SCML2: variants seen among roughly 807,000 people sequenced by gnomAD.
The protein encoded by SCML2 is sex comb on midleg-like protein 2.
SCML2 carries 6 observed loss-of-function variants against 48.4 expected under a neutral mutation model. That is an observed-to-expected ratio of 0.12 (90% confidence interval 0.07 to 0.24). The LOEUF (loss-of-function observed/expected upper bound fraction) is 0.24, where lower values mean the gene tolerates loss of function less well. Among genes scored for constraint, SCML2 ranks in the 10% least tolerant of loss-of-function variants. The probability of loss-of-function intolerance (pLI) is 1.00; values close to 1 mark genes in which losing one functional copy is unlikely to be tolerated. For missense variants in SCML2, 377 were observed against 528.2 expected (o/e 0.71, Z 2.81); for synonymous variants, 181 against 189.5 (o/e 0.95, Z 0.37).
chrX:18,323,126 A>G (rs1929373756), intron 5 of SCML2, among the ~76,000 whole-genome samples: 1 of 111,480 alleles, frequency 9.0e-6, no homozygotes, highest in Non-Finnish European at 1.9e-5. Context: ...AACCAAATAA[A>G]AGTAAATGCC....
intron 7 of SCML2, among the ~76,000 whole-genome samples, chrX:18,304,316 C>A (rs1384324348): frequency 8.9e-6 from 1 of 112,208 alleles, no homozygotes; most frequent in East Asian, 2.8e-4. Context: ...TTAGGCATAT[C>A]TAAGCCCTTG....
chrX:18,338,588 G>A (rs1191508777), intron 1 of SCML2, among the ~76,000 whole-genome samples: 1 of 110,357 alleles, frequency 9.1e-6, no homozygotes, highest in African/African-American at 3.3e-5. Context: ...GGCAAGGAAT[G>A]GGGAGTTGGT....
chrX:18,340,572 G>C (rs1301211178), intron 1 of SCML2, among the ~76,000 whole-genome samples: 1 of 111,721 alleles, frequency 9.0e-6, no homozygotes, highest in East Asian at 2.8e-4. Flanking sequence ...CACTTTGGGA[G>C]GCCACGGCGG....
chrX:18,337,257 G>GC (rs1172867778), intron 1 of SCML2, among the ~76,000 whole-genome samples: 1 of 85,090 alleles, frequency 1.2e-5, no homozygotes, highest in Non-Finnish European at 2.1e-5. Flanking sequence ...AGCCAAGAAC[G>GC]CGCCACTCAC....
At chrX:18,272,378 C>T (rs1927490494) in intron 7 of SCML2, among the ~76,000 whole-genome samples, 1 of 111,920 alleles carries the variant, frequency 8.9e-6, no homozygotes, top group South Asian at 3.8e-4. Flanking sequence ...GGGTAGATAC[C>T]AGTGGAAAGG....
intron 6 of SCML2, among the ~76,000 whole-genome samples, chrX:18,317,186 T>A (rs1929151190): frequency 8.9e-6 from 1 of 112,170 alleles, no homozygotes; most frequent in African/African-American, 3.2e-5. Context: ...TCCCAAAGTG[T>A]GAGCCACCAT....
At chrX:18,318,735 T>C (rs1929211770) in intron 6 of SCML2, among the ~76,000 whole-genome samples, 1 of 111,900 alleles carries the variant, frequency 8.9e-6, no homozygotes, top group East Asian at 2.8e-4. Flanking sequence ...AAAATAGCAA[T>C]GAATATTTGC....
At chrX:18,347,866 G>A (rs1373931968) in intron 1 of SCML2, among the ~76,000 whole-genome samples, 1 of 109,426 alleles carries the variant, frequency 9.1e-6, no homozygotes. Context: ...TTCTAAAGGA[G>A]CAATTTTAAA....
intron 9 of SCML2, among the ~76,000 whole-genome samples, chrX:18,258,648 C>T (rs1926948357): frequency 9.0e-6 from 1 of 111,071 alleles, no homozygotes; most frequent in African/African-American, 3.3e-5. Context: ...AACGGGTCAT[C>T]TTGCTATGCT....
intron 7 of SCML2, among the ~76,000 whole-genome samples, chrX:18,293,622 C>T (rs773764010): frequency 8.9e-6 from 1 of 112,262 alleles, no homozygotes; most frequent in South Asian, 3.7e-4. Context: ...TAATTTCTCA[C>T]AATGAAAGTA....
intron 1 of SCML2, among the ~76,000 whole-genome samples, chrX:18,354,050 C>T (rs1171899559): frequency 8.9e-6 from 1 of 112,407 alleles, no homozygotes; most frequent in African/African-American, 3.2e-5. Flanking sequence ...CACCGGCGCC[C>T]CCAGCCCCCG....
intron 1 of SCML2, among the ~76,000 whole-genome samples, chrX:18,346,224 C>T (rs1930196575): frequency 9.0e-6 from 1 of 110,802 alleles, no homozygotes; most frequent in Admixed American, 9.7e-5. Flanking sequence ...CTCTCTTTCC[C>T]AGAAGTTGAT....
At chrX:18,258,616 C>G (rs895388973) in intron 9 of SCML2, among the ~76,000 whole-genome samples, 11 of 111,295 alleles carry the variant, frequency 9.9e-5, no homozygotes, top group Non-Finnish European at 1.9e-4. Flanking sequence ...ATTGTATACA[C>G]AGTACAAGAA....
chrX:18,314,670 T>C (rs953716233), intron 6 of SCML2, among the ~76,000 whole-genome samples: 3 of 112,095 alleles, frequency 2.7e-5, no homozygotes, highest in African/African-American at 9.7e-5. Flanking sequence ...GAAACTAATA[T>C]AGGCACTGAC....
chrX:18,277,035 C>A (rs749365670), intron 7 of SCML2, among the ~76,000 whole-genome samples: 2 of 110,268 alleles, frequency 1.8e-5, no homozygotes, highest in East Asian at 2.9e-4. Context: ...AACAAAAAAA[C>A]CAACCTTGGG....
chrX:18,248,001 G>A (rs1926512766), intron 11 of SCML2, 119 bp from the exon 12 acceptor site: 2 of 446,752 alleles, frequency 4.5e-6, no homozygotes, highest in Non-Finnish European at 7.8e-6. Context: ...CCTTCATTGA[G>A]AACTTCTCAA....
intron 6 of SCML2, among the ~76,000 whole-genome samples, chrX:18,315,207 C>A (rs1401981010): frequency 9.3e-6 from 1 of 107,741 alleles, no homozygotes; most frequent in Non-Finnish European, 1.9e-5. Context: ...AAAGTAGGAG[C>A]TAACCAGGAA....
intron 7 of SCML2, among the ~76,000 whole-genome samples, chrX:18,294,831 A>G (rs1312675118): frequency 1.8e-5 from 2 of 111,102 alleles, no homozygotes; most frequent in Non-Finnish European, 3.8e-5. Flanking sequence ...CACGTGCTCC[A>G]TAGAGTCTAA....
At chrX:18,334,834 C>T (rs1184390189) in intron 1 of SCML2, among the ~76,000 whole-genome samples, 3 of 112,049 alleles carry the variant, frequency 2.7e-5, no homozygotes, top group African/African-American at 9.7e-5. Context: ...CTATCTATCC[C>T]GCCATTACTC....
Sources: allele counts gnomAD v4.1 joint callset (sites outside exome capture counted in the v4.1 genomes callset), GRCh38; gene constraint gnomAD v4.1.1; transcripts MANE v1.5; gene names NCBI Gene and HGNC (gene_info 2026-07-23, HGNC 2026-07-21).